Variants in ARHGAP11A observed in about 807,000 individuals in gnomAD.
ARHGAP11A encodes the protein rho GTPase-activating protein 11A.
Under a neutral mutation model 60.5 loss-of-function variants are expected in ARHGAP11A, and 36 were observed. The ratio of observed to expected loss-of-function variants is 0.59; its 90% CI spans 0.46 to 0.79. ARHGAP11A has a LOEUF of 0.79. ARHGAP11A is among the 30% of genes least tolerant of loss of function. The pLI is 0.00. For synonymous variants in ARHGAP11A, 362 were observed against 415.5 expected (o/e 0.87, Z 1.57); for missense variants, 1,071 against 1,199.2 (o/e 0.89, Z 1.58).
At chr15:32,631,543 A>G (rs2053584988) in intron 8 of ARHGAP11A, among the ~76,000 whole-genome samples, 1 of 151,938 alleles carries the variant, frequency 6.6e-6, no homozygotes, top group Non-Finnish European at 1.5e-5. Flanking sequence ...TAGCTGATCA[A>G]CCTGCCTTGG....
chr15:32,627,324 A>G (rs1334472757), intron 6 of ARHGAP11A, among the ~76,000 whole-genome samples: 1 of 151,866 alleles, frequency 6.6e-6, no homozygotes, highest in Non-Finnish European at 1.5e-5. Flanking sequence ...ACTATTCCCT[A>G]GATACTCAGG....
Position 32,623,597 on chromosome 15 carries a change from A to G in ARHGAP11A, c.297+9A>G, listed in dbSNP as rs917169770. ...GCCTAAAAGCACTAAAGGTGAGCATATTGTTGAACTATTAATTTTTCATTT... is the reference window on the plus strand; with the variant it reads ...GCCTAAAAGCACTAAAGGTGAGCATGTTGTTGAACTATTAATTTTTCATTT... On this transcript the variant is annotated intron_variant, in intron 3 of 11. Transcript: ENST00000361627. 4 of 1,604,474 alleles carry G rather than the reference A, an allele frequency of 2.5e-6. No homozygotes were observed. Among genetic ancestry groups the G allele is most frequent in the South Asian group, 1.1e-5 (1 of 88,580 alleles).
chr15:32,630,051 G>A (rs2053554666), intron 8 of ARHGAP11A, among the ~76,000 whole-genome samples: 3 of 113,226 alleles, frequency 2.6e-5, no homozygotes, highest in Non-Finnish European at 5.2e-5. Flanking sequence ...TGATGCTTAG[G>A]TTTTATGTGA....
intron 7 of ARHGAP11A, 126 bp from the exon 8 acceptor site, chr15:32,629,469 G>A (rs2053540439): frequency 3.3e-6 from 2 of 606,992 alleles, no homozygotes; most frequent in East Asian, 5.8e-5. Context: ...AACTGATGAT[G>A]TAAATATATT....
chr15:32,637,105 A>AG lies in ARHGAP11A; in HGVS notation c.2334dup (p.Pro779AlafsTer6). 12 of 1,614,032 alleles carry AG rather than the reference A, an allele frequency of 7.4e-6. No homozygotes were observed. The highest frequency in any genetic ancestry group is 1.0e-5 in the Non-Finnish European group (12 of 1,180,044). On this transcript the variant is annotated frameshift_variant, in exon 12 of 12. Coordinates refer to ENST00000361627, the MANE Select transcript of ARHGAP11A (RefSeq NM_014783.6). LOFTEE classifies it low-confidence loss of function (END_TRUNC). ...TGTTGTAACAAACTTGTCAAAACCT[A>AG]GGCCTATGAGAATTGCTAAACAGCA...
intron 2 of ARHGAP11A, among the ~76,000 whole-genome samples, chr15:32,621,821 CAAAAAA>C (rs376053100): frequency 7.4e-5 from 9 of 120,922 alleles, no homozygotes; most frequent in Non-Finnish European, 9.7e-5. Context: ...GACTCCGTCT[CAAAAAA>C]AAAAAAAAAA....
At chr15:32,622,375 A>T (rs2053355319) in intron 2 of ARHGAP11A, among the ~76,000 whole-genome samples, 1 of 152,142 alleles carries the variant, frequency 6.6e-6, no homozygotes, top group Non-Finnish European at 1.5e-5. Context: ...CAGTGATCGC[A>T]CCACTCCAGC....
chr15:32,620,242 T>C (rs1595759506), intron 2 of ARHGAP11A, 64 bp downstream of exon 2: 3 of 1,609,290 alleles, frequency 1.9e-6, no homozygotes. Flanking sequence ...CCCAGCATTT[T>C]GAGAGGCCGA....
chr15:32,637,053 A>G lies in ARHGAP11A; in HGVS notation c.2280A>G (p.Arg760=), dbSNP rs753557646. 6.2e-7 allele frequency: 1 copy of G among 1,613,980 alleles called. No homozygotes were observed. The highest frequency in any genetic ancestry group is 8.5e-7 in the Non-Finnish European group (1 of 1,180,040). The change falls in exon 12 of 12, where the codon AGA becomes AGG. Residue 760 remains arginine (R), a synonymous_variant. Transcript: ENST00000361627. The part of the protein sequence containing the change: ...KCAAHSKDEA[R]SSFSQQSTCV... The stretch of plus-strand genomic sequence containing the variant: ...CAGCACATAGCAAGGACGAGGCTAG[A>G]TCCTCTTTCTCACAGCAGAGTACAT...
At chr15:32,622,295 A>G (rs563590330) in intron 2 of ARHGAP11A, among the ~76,000 whole-genome samples, 1 of 152,398 alleles carries the variant, frequency 6.6e-6, no homozygotes, top group East Asian at 1.9e-4. Context: ...ATGTGTGCCT[A>G]TAGTCCCAGC....
At chr15:32,632,131 G>A (rs969101765) in intron 8 of ARHGAP11A, among the ~76,000 whole-genome samples, 1 of 152,166 alleles carries the variant, frequency 6.6e-6, no homozygotes, top group Non-Finnish European at 1.5e-5. Context: ...TTGAAAAAAT[G>A]TGAATGTCTC....
rs2053132584 is a variant in ARHGAP11A, at chr15:32,616,094, G to A, written c.-118G>A. The A allele has an allele frequency of 6.8e-7, 1 of 1,464,446 alleles. No individual in the cohort carries two copies. The highest frequency in any genetic ancestry group is 2.5e-5 in the Admixed American group (1 of 40,474). The allele number at this position is 1,464,446 out of a possible 1,614,324, so 90.7% of individuals were successfully genotyped here. ...GTCGGGGCCGCAGAAGTGCCAGACG[G>A]GGCCGGAAAGCAGCCGAGCGGAGTT... On this transcript the variant is annotated 5_prime_UTR_variant, in exon 1 of 12. Coordinates refer to ENST00000361627, the MANE Select transcript of ARHGAP11A (RefSeq NM_014783.6).
chr15:32,638,139 C>G lies in ARHGAP11A; in HGVS notation c.*294C>G. 3.9e-6 allele frequency: 1 copy of G among 258,058 alleles called. No homozygotes were observed. 16.0% of individuals were successfully genotyped at this position (258,058 alleles called of 1,614,324 possible). On this transcript the variant is annotated 3_prime_UTR_variant, in exon 12 of 12. Transcript: ENST00000361627. ...TGTCGTCCAGGCTGGAGTGCAGTGG[C>G]GCAATCTCACTGCAAGCTCCACTTC...
rs1275139408 is a variant in ARHGAP11A, at chr15:32,622,138, G to C, written c.201-1354G>C. 9.2e-5 allele frequency among the ~76,000 whole-genome samples: 14 copies of C among 152,420 alleles called. No individual in the cohort carries two copies. In the East Asian group the frequency reaches 2.7e-3, roughly 29 times the overall value. On this transcript the variant is annotated intron_variant, in intron 2 of 11. Transcript: ENST00000361627. ...GAACACCTATAATGATTTTCAACAG[G>C]CCGGGCACAGGAGCTCATGCCTGTT... is the stretch of plus-strand genomic sequence containing the variant.
chr15:32,634,039 G>A lies in ARHGAP11A; in HGVS notation c.1342G>A (p.Val448Ile), dbSNP rs61733065. 4 of 1,593,066 alleles carry A rather than the reference G, an allele frequency of 2.5e-6. No individual in the cohort carries two copies. In the African/African-American group the frequency reaches 4.1e-5, roughly 16 times the overall value. Reference sequence around the variant, plus strand: ...CAATCTAGGGAAAAATGGCAGAGAAGTAGTAAGTTTCTTACCATTTTATTG... The same window carrying A: ...CAATCTAGGGAAAAATGGCAGAGAAATAGTAAGTTTCTTACCATTTTATTG... ...KFNLGKNGRE[V>I]NGCSGVNRYE... The change falls in exon 10 of 12, where the codon GTA (valine) becomes ATA (isoleucine). Residue 448 changes from valine (V) to isoleucine (I), a missense_variant and splice_region_variant. Transcript: ENST00000361627.
At chr15:32,633,886 CTGGTGTTTATACTATAAACTGA>C in intron 9 of ARHGAP11A, 25 bp from the exon 10 acceptor site, 4 of 1,161,432 alleles carry the variant, frequency 3.4e-6, no homozygotes, top group Non-Finnish European at 4.9e-6. Context: ...AAGTATTTCT[CTGGTGTTTATACTATAAACTGA>C]CATTTTTAAT....
chr15:32,621,866 T>C (rs985606151), intron 2 of ARHGAP11A, among the ~76,000 whole-genome samples: 1 of 151,994 alleles, frequency 6.6e-6, no homozygotes, highest in African/African-American at 2.4e-5. Context: ...AATCTAAAAA[T>C]GCATATGGTG....
In ARHGAP11A at chr15:32,623,479, ATCTC is replaced by A. The variant is rs757846073; in HGVS notation, c.201-9_201-6del. Reference sequence around the variant, plus strand: ...TATGTATGTCTAGCCACCTGAAAAAATCTCTCTTTCAGCTTTCTTGTCGATGCTT... The same window carrying A: ...TATGTATGTCTAGCCACCTGAAAAAATCTTTCAGCTTTCTTGTCGATGCTT... On this transcript the variant is annotated splice_polypyrimidine_tract_variant and intron_variant, in intron 2 of 11. Transcript: ENST00000361627. 6.2e-7 allele frequency: 1 copy of A among 1,609,204 alleles called. No homozygotes were observed. The highest frequency in any genetic ancestry group is 8.5e-7 in the Non-Finnish European group (1 of 1,177,996).
In ARHGAP11A at chr15:32,616,156, G is replaced by GGCGAA; in HGVS notation, c.-55_-51dup. 1 of 1,564,648 alleles carries GGCGAA rather than the reference G, an allele frequency of 6.4e-7. No individual in the cohort carries two copies. On this transcript the variant is annotated 5_prime_UTR_variant, in exon 1 of 12. Coordinates refer to ENST00000361627, the MANE Select transcript of ARHGAP11A (RefSeq NM_014783.6). ...GCGTTTGGAAATTGGAAGACTTGGT[G>GGCGAA]GCGAACGAGGGTCAGGACCTGCATC...
Sources: allele counts gnomAD v4.1 joint callset (sites outside exome capture counted in the v4.1 genomes callset), GRCh38; gene constraint gnomAD v4.1.1; transcripts MANE v1.5; gene names NCBI Gene and HGNC (gene_info 2026-07-23, HGNC 2026-07-21).